ETNK2: variants seen among roughly 807,000 people sequenced by gnomAD.
ETNK2 encodes ethanolamine kinase-like protein.
A neutral mutation model predicts 46.2 loss-of-function variants in ETNK2; 33 were observed. The ratio of observed to expected loss-of-function variants is 0.71; its 90% confidence interval spans 0.54 to 0.96. The LOEUF (loss-of-function observed/expected upper bound fraction) is 0.96. Ranked by LOEUF, ETNK2 falls within the 40% of genes least tolerant of loss-of-function variation. The pLI is 0.00. For synonymous variants in ETNK2, 194 were observed against 209.0 expected, an observed-to-expected ratio of 0.93 and a Z score of 0.62; for missense variants, 445 against 509.7, an observed-to-expected ratio of 0.87 and a Z score of 1.22.
Position 204,131,976 on chromosome 1 carries a change from A to T in ETNK2, c.*208T>A, listed in dbSNP as rs1657090571. On this transcript the variant is annotated 3_prime_UTR_variant, in exon 8 of 8. Coordinates refer to ENST00000367202, the MANE Select transcript of ETNK2 (RefSeq NM_018208.4). The surrounding 1 kb of genome is among the most constrained non-coding windows in gnomAD (Gnocchi z 4.3). ...TGGTGGGGTGAAGGGGACCCCCGGA[A>T]GGGGGTCCTATCAGCCCCTCCAGAC... 5.2e-6 allele frequency: 3 copies of T among 580,768 alleles called. No individual in the cohort carries two copies. Among genetic ancestry groups the T allele is most frequent in the Non-Finnish European group, 9.3e-6 (3 of 324,114 alleles). The allele number at this position is 580,768 out of a possible 1,614,324, so 36.0% of individuals were successfully genotyped here.
intron 4 of ETNK2, 186 bp downstream of exon 4, chr1:204,141,129 G>T (rs970535429): frequency 1.5e-5 from 12 of 780,078 alleles, no homozygotes; most frequent in Non-Finnish European, 2.0e-5. Flanking sequence ...ACTGGCCCTT[G>T]GCACAGACTT....
chr1:204,144,356 A>AAAAAAAAAAAAAAG (rs1657693728), intron 3 of ETNK2, among the ~76,000 whole-genome samples: 1 of 148,654 alleles, frequency 6.7e-6, no homozygotes, highest in African/African-American at 2.5e-5. Context: ...AAAAAAAAAA[A>AAAAAAAAAAAAAAG]AAAAAAAAAA....
At chr1:204,137,301 G>T in intron 5 of ETNK2, 52 bp from the exon 6 acceptor site, 13 of 1,592,814 alleles carry the variant, frequency 8.2e-6, no homozygotes, top group Non-Finnish European at 1.1e-5. Context: ...CCCACCAAGG[G>T]TCTCCTCAAG....
At chr1:204,137,874 C>T (rs1657351378) in intron 5 of ETNK2, among the ~76,000 whole-genome samples, 1 of 152,132 alleles carries the variant, frequency 6.6e-6, no homozygotes, top group South Asian at 2.1e-4. Flanking sequence ...CTGGTTTCTT[C>T]CAGCCCCACC....
intron 2 of ETNK2, among the ~76,000 whole-genome samples, chr1:204,149,391 A>G (rs892924567): frequency 5.3e-5 from 8 of 152,158 alleles, no homozygotes; most frequent in Non-Finnish European, 1.0e-4. Flanking sequence ...AGATGTTTCC[A>G]GGTCAGACTT....
At chr1:204,132,718 C>T (rs1558227988) in intron 7 of ETNK2, among the ~76,000 whole-genome samples, 1 of 151,968 alleles carries the variant, frequency 6.6e-6, no homozygotes, top group Non-Finnish European at 1.5e-5. Flanking sequence ...CAGGCATGAG[C>T]CACCGTGCCC....
chr1:204,148,569 GACACACACACACACACACACACAC>G (rs61199759), intron 2 of ETNK2, among the ~76,000 whole-genome samples: 2 of 145,222 alleles, frequency 1.4e-5, no homozygotes, highest in Non-Finnish European at 3.0e-5. Flanking sequence ...ACACCCTCAA[GACACACACACACACACACACACAC>G]ACACACACAC....
At chr1:204,148,650 C>T (rs1657887402) in intron 2 of ETNK2, among the ~76,000 whole-genome samples, 1 of 151,942 alleles carries the variant, frequency 6.6e-6, no homozygotes, top group South Asian at 2.1e-4. Context: ...CCTGACCAGC[C>T]GCTTATGAGC....
rs1432428655 is a variant in ETNK2 at position 204,132,097 on chromosome 1, C to T, written c.*87G>A. 3.7e-6 allele frequency: 4 copies of T among 1,089,396 alleles called. No homozygotes were observed. Among genetic ancestry groups the T allele is most frequent in the Non-Finnish European group, 5.5e-6 (4 of 726,904 alleles). The allele number at this position is 1,089,396 out of a possible 1,614,324, so 67.5% of individuals were successfully genotyped here. ...CATGTGTCCCCTCTCCCACCCTGTC[C>T]AAGGGTGTGGATCCCAGAGTGCAGA... is the stretch of plus-strand genomic sequence containing the variant. On this transcript the variant is annotated 3_prime_UTR_variant, in exon 8 of 8. Transcript: ENST00000367202.
rs146088345 is a variant in ETNK2 at position 204,150,671 on chromosome 1, T to C, written c.259-709A>G. On this transcript the variant is annotated intron_variant, in intron 1 of 7. Transcript: ENST00000367202. The stretch of plus-strand genomic sequence containing the variant: ...AACTGAGGCAGGAGAGGGGAGGGAC[T>C]GGCAGATAGCACGTTAGATCAGTGC... The C allele has an allele frequency of 6.8e-3, 1,046 of 152,926 alleles. 11 individuals are homozygous for C. Among genetic ancestry groups the C allele is most frequent in the African/African-American group, 0.023 (954 of 41,554 alleles). The allele number at this position is 152,926 out of a possible 1,614,324, so 9.5% of individuals were successfully genotyped here.
Position 204,151,757 on chromosome 1 carries a change from C to T in ETNK2, c.96G>A (p.Lys32=). 1 of 1,526,214 alleles carries T rather than the reference C, an allele frequency of 6.6e-7. No homozygotes were observed. The highest frequency in any genetic ancestry group is 8.8e-7 in the Non-Finnish European group (1 of 1,138,192). 94.5% of individuals were successfully genotyped at this position (1,526,214 alleles called of 1,614,324 possible). The change falls in exon 1 of 8, where the codon AAG becomes AAA. Residue 32 remains lysine, a synonymous_variant. Coordinates refer to ENST00000367202, the MANE Select transcript of ETNK2 (RefSeq NM_018208.4). This position sits in a 1 kb window ranked among gnomAD's most constrained non-coding sequence, Gnocchi z 8.0. ...CPQCSWGMEE[K]AAASASCREP... ...CCCGGCAGCTGGCGCTGGCCGCCGC[C>T]TTCTCCTCCATGCCCCATGAGCACT...
intron 3 of ETNK2, among the ~76,000 whole-genome samples, chr1:204,144,984 G>T (rs946389845): frequency 1.3e-5 from 2 of 152,240 alleles, no homozygotes; most frequent in Admixed American, 6.5e-5. Context: ...GGCAGGGCCA[G>T]TGTCACATTC....
At chr1:204,135,824 T>A (rs1571610910) in intron 6 of ETNK2, among the ~76,000 whole-genome samples, 1 of 152,332 alleles carries the variant, frequency 6.6e-6, no homozygotes, top group East Asian at 1.9e-4. Context: ...TTAGCTCTCT[T>A]CTGTACTGTG....
intron 6 of ETNK2, 127 bp downstream of exon 6, chr1:204,136,977 G>C: frequency 7.6e-7 from 1 of 1,307,758 alleles, no homozygotes; most frequent in Non-Finnish European, 1.1e-6. Flanking sequence ...GGTGGGGTCA[G>C]GAGCCAGGGA....
intron 7 of ETNK2, among the ~76,000 whole-genome samples, chr1:204,132,983 G>T (rs1190013695): frequency 6.6e-6 from 1 of 151,938 alleles, no homozygotes; most frequent in East Asian, 1.9e-4. Flanking sequence ...CTATGGATTT[G>T]ACTACTTTAG....
intron 3 of ETNK2, among the ~76,000 whole-genome samples, chr1:204,144,356 A>AAAAAAAAAAAAAAC: frequency 6.7e-6 from 1 of 148,656 alleles, no homozygotes; most frequent in Non-Finnish European, 1.5e-5. Flanking sequence ...AAAAAAAAAA[A>AAAAAAAAAAAAAAC]AAAAAAAAAA....
At chr1:204,133,810 C>T (rs998986131) in intron 7 of ETNK2, among the ~76,000 whole-genome samples, 3 of 152,186 alleles carry the variant, frequency 2.0e-5, no homozygotes, top group Admixed American at 6.5e-5. Context: ...GGATTACAGG[C>T]GTGAGCCACC....
intron 7 of ETNK2, among the ~76,000 whole-genome samples, chr1:204,133,140 T>C (rs1657136712): frequency 6.6e-6 from 1 of 152,248 alleles, no homozygotes; most frequent in South Asian, 2.1e-4. Flanking sequence ...TTTTATTCAT[T>C]CATTCATCTG....
Position 204,131,923 on chromosome 1 carries a change from C to T in ETNK2, c.*261G>A. ...TCCCAGGGGTGGTTATGGTTCAGGA[C>T]CTGGCTGCAGGCACTTCCTCCCAAG... On this transcript the variant is annotated 3_prime_UTR_variant, in exon 8 of 8. Transcript: ENST00000367202. This position sits in a 1 kb window ranked among gnomAD's most constrained non-coding sequence, Gnocchi z 4.3. 1.9e-6 allele frequency: 1 copy of T among 523,408 alleles called. No individual in the cohort carries two copies. Among genetic ancestry groups the T allele is most frequent in the Admixed American group, 3.1e-5 (1 of 31,872 alleles). 32.4% of individuals were successfully genotyped at this position (523,408 alleles called of 1,614,324 possible). A position where few individuals can be genotyped will look rare whatever the true frequency, so the allele number is the denominator to read the frequency against.
Sources: gnomAD v4.1 joint callset for allele counts (sites outside exome capture counted in the v4.1 genomes callset) on GRCh38, gnomAD v4.1.1 for gene constraint, Gnocchi (gnomAD v3.1) non-coding constraint, MANE v1.5 for transcripts, NCBI Gene and HGNC (gene_info 2026-07-23, HGNC 2026-07-21) for gene names.